Variants in PPP2R5E observed in about 807,000 individuals in gnomAD.
PPP2R5E encodes the protein protein phosphatase 2 regulatory subunit B'epsilon, also known as serine/threonine-protein phosphatase 2A 56 kDa regulatory subunit epsilon isoform.
A neutral mutation model predicts 65.3 loss-of-function variants in PPP2R5E; 4 were observed. The ratio of observed to expected loss-of-function variants is 0.06; its 90% CI spans 0.03 to 0.14. The LOEUF is 0.14. Among genes scored for constraint, PPP2R5E ranks in the 10% least tolerant of loss-of-function variants. The pLI is 1.00. For missense variants in PPP2R5E, 274 were observed against 556.1 expected (o/e 0.49, Z 5.10); for synonymous variants, 183 against 187.4 (o/e 0.98, Z 0.19).
chr14:63,463,390 C>T (rs764775218), intron 2 of PPP2R5E, among the ~76,000 whole-genome samples: 31 of 151,218 alleles, frequency 2.1e-4, no homozygotes, highest in Non-Finnish European at 3.5e-4. Flanking sequence ...TCGCCCACCT[C>T]GGCCTCCCAA....
chr14:63,509,806 A>C (rs896189670), intron 2 of PPP2R5E, among the ~76,000 whole-genome samples: 1 of 152,068 alleles, frequency 6.6e-6, no homozygotes, highest in African/African-American at 2.4e-5. Context: ...AAGGACAGCA[A>C]CTCTATCCCT....
chr14:63,441,752 C>T (rs564023095), intron 3 of PPP2R5E, among the ~76,000 whole-genome samples: 9 of 151,872 alleles, frequency 5.9e-5, no homozygotes, highest in Admixed American at 2.0e-4. Context: ...TCTACTAAAA[C>T]ACAAAAAATT....
chr14:63,399,366 C>CTTTTTTTTTTTTTT lies in PPP2R5E; in HGVS notation c.550-2664_550-2651dup, dbSNP rs397814218. Among the ~76,000 whole-genome samples the CTTTTTTTTTTTTTT allele has an allele frequency of 1.6e-4, 8 of 48,520 alleles. 1 individual carries two copies. Among genetic ancestry groups the CTTTTTTTTTTTTTT allele is most frequent in the African/African-American group, 4.2e-4 (5 of 12,018 alleles). The allele number at this position is 48,520 out of a possible 152,430, so 31.8% of individuals were successfully genotyped here. A position where few individuals can be genotyped will look rare whatever the true frequency, so the allele number is the denominator to read the frequency against. ...GCTACTAATAGGTCTGGATTTCTTT[C>CTTTTTTTTTTTTTT]TTTTTTTTTTTTTTTTTTTTTTTTT... On this transcript the variant is annotated intron_variant, in intron 5 of 13. Transcript: ENST00000337537.
At position 63,373,140 on chromosome 14, in the gene PPP2R5E, C is replaced by G. The variant is rs967003585; in HGVS notation, c.*2869G>C. On this transcript the variant is annotated 3_prime_UTR_variant, in exon 14 of 14. Transcript: ENST00000337537. ...CTAAGGCCTCAGCGTCATTCTAAACCACAGGGTTGTGTGTATTTTTCTCTT... is the reference window on the plus strand; with the variant it reads ...CTAAGGCCTCAGCGTCATTCTAAACGACAGGGTTGTGTGTATTTTTCTCTT... The G allele has an allele frequency of 3.3e-5, 5 of 152,124 alleles. No homozygotes were observed. Among genetic ancestry groups the G allele is most frequent in the Non-Finnish European group, 7.3e-5 (5 of 68,032 alleles). The allele number at this position is 152,124 out of a possible 1,614,324, so 9.4% of individuals were successfully genotyped here. A position where few individuals can be genotyped will look rare whatever the true frequency, so the allele number is the denominator to read the frequency against.
intron 5 of PPP2R5E, among the ~76,000 whole-genome samples, chr14:63,413,784 C>T (rs1179599136): frequency 6.6e-6 from 1 of 152,194 alleles, no homozygotes; most frequent in Non-Finnish European, 1.5e-5. Context: ...ATCCACGTAT[C>T]CATCTATTTA....
intron 5 of PPP2R5E, among the ~76,000 whole-genome samples, chr14:63,397,096 G>A (rs1293562407): frequency 2.6e-5 from 4 of 152,132 alleles, no homozygotes; most frequent in African/African-American, 9.7e-5. Context: ...ACGTGCCCAC[G>A]GTCTCACAGC....
chr14:63,371,855 G>C lies in PPP2R5E; in HGVS notation c.*4154C>G, dbSNP rs1249258659. On this transcript the variant is annotated 3_prime_UTR_variant, in exon 14 of 14. Coordinates refer to ENST00000337537, the MANE Select transcript of PPP2R5E (RefSeq NM_006246.5). ...ACAATGAAATACTAAAATACCAAAAGATTTATGAAGCTAAAGCGAAGTCCT... is the reference window on the plus strand; with the variant it reads ...ACAATGAAATACTAAAATACCAAAACATTTATGAAGCTAAAGCGAAGTCCT... 1 of 152,070 alleles carries C rather than the reference G, an allele frequency of 6.6e-6. No individual in the cohort carries two copies. The highest frequency in any genetic ancestry group is 1.5e-5 in the Non-Finnish European group (1 of 68,004). The allele number at this position is 152,070 out of a possible 1,614,324, so 9.4% of individuals were successfully genotyped here. A position where few individuals can be genotyped will look rare whatever the true frequency, so the allele number is the denominator to read the frequency against.
intron 2 of PPP2R5E, among the ~76,000 whole-genome samples, chr14:63,538,778 C>G (rs1047407991): frequency 4.0e-5 from 6 of 151,604 alleles, no homozygotes; most frequent in African/African-American, 1.5e-4. Context: ...AACCCTGTCT[C>G]TATTAAAAAT....
intron 3 of PPP2R5E, among the ~76,000 whole-genome samples, chr14:63,432,079 G>C (rs1388067059): frequency 1.3e-5 from 2 of 150,010 alleles, no homozygotes; most frequent in East Asian, 3.9e-4. Flanking sequence ...TACCCAATTA[G>C]AATTTTTAAA....
chr14:63,484,032 C>T (rs527287671), intron 2 of PPP2R5E, among the ~76,000 whole-genome samples: 12 of 150,000 alleles, frequency 8.0e-5, no homozygotes, highest in South Asian at 2.1e-4. Flanking sequence ...TGCAGTAAGC[C>T]GAGATCACAC....
rs569553677 is a variant in PPP2R5E, at chr14:63,476,185, C to A, written c.158-22300G>T. Among the ~76,000 whole-genome samples, 14 of 152,252 alleles carry A rather than the reference C, an allele frequency of 9.2e-5. No individual in the cohort carries two copies. The South Asian group carries it at 2.5e-3, about 27-fold the overall frequency. The stretch of plus-strand genomic sequence containing the variant: ...AAAGTAGGAAGAATGCTAACTTAAA[C>A]CTGTATAATGCTCGAGTTTTTCAAG... On this transcript the variant is annotated intron_variant, in intron 2 of 13. Coordinates refer to ENST00000337537, the MANE Select transcript of PPP2R5E (RefSeq NM_006246.5).
At chr14:63,392,170 T>C (rs906662326) in intron 8 of PPP2R5E, 145 bp from the exon 9 acceptor site, 16 of 583,634 alleles carry the variant, frequency 2.7e-5, no homozygotes, top group Non-Finnish European at 4.2e-5. Context: ...ATAAAATCTA[T>C]ATAAAGTAAA....
chr14:63,472,017 T>C (rs1890159204), intron 2 of PPP2R5E, among the ~76,000 whole-genome samples: 1 of 152,136 alleles, frequency 6.6e-6, no homozygotes, highest in Admixed American at 6.6e-5. Flanking sequence ...AAAGCCCCCT[T>C]AGGCTGGGCA....
intron 5 of PPP2R5E, among the ~76,000 whole-genome samples, chr14:63,396,963 CA>C (rs1216445147): frequency 1.9e-4 from 29 of 152,214 alleles, no homozygotes; most frequent in Admixed American, 1.3e-3. Flanking sequence ...ATAGCTAATA[CA>C]CATATGGCAC....
At chr14:63,458,816 A>G (rs1889294572) in intron 2 of PPP2R5E, among the ~76,000 whole-genome samples, 1 of 152,204 alleles carries the variant, frequency 6.6e-6, no homozygotes, top group African/African-American at 2.4e-5. Context: ...AATTATATTT[A>G]TATTTCCATT....
intron 2 of PPP2R5E, among the ~76,000 whole-genome samples, chr14:63,472,173 G>A (rs144887069): frequency 3.3e-5 from 5 of 152,234 alleles, no homozygotes; most frequent in Non-Finnish European, 5.9e-5. Flanking sequence ...GGTGACAGGC[G>A]CCTGTAATCC....
At chr14:63,528,671 A>G (rs1432462225) in intron 2 of PPP2R5E, among the ~76,000 whole-genome samples, 1 of 152,202 alleles carries the variant, frequency 6.6e-6, no homozygotes, top group Non-Finnish European at 1.5e-5. Context: ...TAAAATTGGC[A>G]TTAAAATTTT....
chr14:63,371,649 C>CTGGT lies in PPP2R5E; in HGVS notation c.*4356_*4359dup, dbSNP rs1412518565. On this transcript the variant is annotated 3_prime_UTR_variant, in exon 14 of 14. Transcript: ENST00000337537. ...GATGTGGATCAGAAGTCTTCACTGTCTGGTTGAACCAGTCTATAATTTTCA... is the reference window on the plus strand; with the variant it reads ...GATGTGGATCAGAAGTCTTCACTGTCTGGTTGGTTGAACCAGTCTATAATTTTCA... 6.6e-5 allele frequency: 10 copies of CTGGT among 152,146 alleles called. No homozygotes were observed. The highest frequency in any genetic ancestry group is 2.4e-4 in the African/African-American group (10 of 41,428). The allele number at this position is 152,146 out of a possible 1,614,324, so 9.4% of individuals were successfully genotyped here.
chr14:63,540,081 C>T (rs925542228), intron 1 of PPP2R5E, among the ~76,000 whole-genome samples: 3 of 149,820 alleles, frequency 2.0e-5, no homozygotes, highest in Non-Finnish European at 3.0e-5. Flanking sequence ...GCCAGGATCC[C>T]GCCATTGCAC....
Sources: gnomAD v4.1 joint callset for allele counts (sites outside exome capture counted in the v4.1 genomes callset) on GRCh38, gnomAD v4.1.1 for gene constraint, MANE v1.5 for transcripts, NCBI Gene and HGNC (gene_info 2026-07-23, HGNC 2026-07-21) for gene names.